The following DUOX2 variants were observed in gnomAD, a reference collection of about 807,000 sequenced individuals.
The protein encoded by DUOX2 is NADH/NADPH thyroid oxidase p138-tox.
In DUOX2, 185 loss-of-function variants were observed where a neutral mutation model predicts 183.3. The observed-to-expected ratio is 1.01, with a 90% confidence interval of 0.90 to 1.14. DUOX2 has a LOEUF of 1.14. Ranked by LOEUF, DUOX2 falls within the 50% of genes most tolerant of loss-of-function variation. DUOX2 has a pLI of 0.00. For synonymous variants in DUOX2, 788 were observed against 812.4 expected (o/e 0.97, Z 0.51); for missense variants, 1,999 against 2,022.9 (o/e 0.99, Z 0.23).
intron 11 of DUOX2, 71 bp downstream of exon 11, chr15:45,109,453 A>G: frequency 2.2e-6 from 3 of 1,377,626 alleles, no homozygotes; most frequent in Admixed American, 3.4e-5. Context: ...TAGGTCTGCT[A>G]TTGATGAACC....
At position 45,106,286 on chromosome 15, in the gene DUOX2, T is replaced by G. The variant is rs766411890; in HGVS notation, c.1987A>C (p.Ile663Leu). ...CACCTGTCTGACAGCAGCTGGATGA[T>G]GATGGGACTGCTCCTCTCCTTGGGG... ...PGPKERSSPI[I>L]IQLLSDRCLQ... Residue 663 changes from isoleucine to leucine, a missense_variant, in exon 17 of 34, where the codon ATC (isoleucine) becomes CTC (leucine). This residue lies in a region of DUOX2 where 1,628 missense variants were observed against 1,608.6 expected (regional missense o/e 1.01). Coordinates refer to ENST00000389039, the MANE Select transcript of DUOX2 (RefSeq NM_001363711.2). The G allele has an allele frequency of 6.2e-7, 1 of 1,614,030 alleles. No homozygotes were observed. Among genetic ancestry groups the G allele is most frequent in the African/African-American group, 1.3e-5 (1 of 74,924 alleles).
At chr15:45,105,269 C>T (rs1043024684) in intron 18 of DUOX2, among the ~76,000 whole-genome samples, 49 of 152,194 alleles carry the variant, frequency 3.2e-4, no homozygotes, top group African/African-American at 1.1e-3. Context: ...CCACAGAGTT[C>T]CTGGTTCAGT....
In DUOX2 at chr15:45,108,086, C is replaced by T. The variant is rs761874368; in HGVS notation, c.1535G>A (p.Arg512Gln). 9.9e-6 allele frequency: 16 copies of T among 1,613,864 alleles called. No homozygotes were observed. The highest frequency in any genetic ancestry group is 6.7e-5 in the African/African-American group (5 of 74,864). Reference protein sequence around the residue: ...AIVLDQFVRLRDGDRYWFENT... With the variant: ...AIVLDQFVRLQDGDRYWFENT... ...CTCAAACCAGTAGCGGTCACCATCC[C>T]GCAGCCGTACAAACTGGTCGAGGAC... is the stretch of plus-strand genomic sequence containing the variant. The change falls in exon 13 of 34, where the codon CGG becomes CAG. Residue 512 changes from arginine (R) to glutamine (Q), a missense_variant. Coordinates refer to ENST00000389039, the MANE Select transcript of DUOX2 (RefSeq NM_001363711.2).
intron 12 of DUOX2, chr15:45,108,475 T>C (rs971185895): frequency 5.0e-6 from 3 of 597,314 alleles, no homozygotes; most frequent in Non-Finnish European, 8.8e-6. Flanking sequence ...CTGACCTCAA[T>C]GATTAGCAGC....
At chr15:45,109,178 T>C (rs1172527582) in intron 11 of DUOX2, 2 of 628,698 alleles carry the variant, frequency 3.2e-6, no homozygotes. Flanking sequence ...GACTCAAGAC[T>C]GTTCTAGTCA....
At chr15:45,112,431 C>T in intron 4 of DUOX2, 123 bp downstream of exon 4, 1 of 1,221,802 alleles carries the variant, frequency 8.2e-7, no homozygotes, top group Non-Finnish European at 1.2e-6. Context: ...CGAAGTGCTG[C>T]GTAGAGAGGA....
intron 11 of DUOX2, 94 bp downstream of exon 11, chr15:45,109,430 A>C (rs1249651143): frequency 3.8e-6 from 4 of 1,039,576 alleles, no homozygotes; most frequent in Non-Finnish European, 6.0e-6. Flanking sequence ...GTGTTCCTGC[A>C]TCGTGAGCGC....
At position 45,109,006 on chromosome 15, in the gene DUOX2, C is replaced by G. The variant is rs1595526991; in HGVS notation, c.1235-54G>C. 1.9e-6 allele frequency: 3 copies of G among 1,606,972 alleles called. No individual in the cohort carries two copies. In the East Asian group the frequency reaches 6.7e-5, roughly 36 times the overall value. ...GCTTTGTCCTCTCCATCCTTTTTTG[C>G]CCTGCAGCCTTGTATCTGACTATTG... On this transcript the variant is annotated intron_variant, in intron 11 of 33. Transcript: ENST00000389039.
At chr15:45,098,254 C>T (rs1406574442) in intron 26 of DUOX2, among the ~76,000 whole-genome samples, 196 bp from the exon 27 acceptor site, 1 of 152,218 alleles carries the variant, frequency 6.6e-6, no homozygotes, top group East Asian at 1.9e-4. Flanking sequence ...GCAATTTTTC[C>T]TTCTGTGTTA....
Position 45,097,683 on chromosome 15 carries a change from G to A in DUOX2, c.3624C>T (p.His1208=). 1.2e-6 allele frequency: 2 copies of A among 1,614,230 alleles called. No homozygotes were observed. The highest frequency in any genetic ancestry group is 1.3e-5 in the African/African-American group (1 of 75,068). ...VLAIMYVFAS[H]HFRRRSFRGF... Reference sequence around the variant, plus strand: ...CCCGGAAGCTGCGGCGGCGGAAGTGGTGGGAGGCGAAGACATACATGATGG... The same window carrying A: ...CCCGGAAGCTGCGGCGGCGGAAGTGATGGGAGGCGAAGACATACATGATGG... The change falls in exon 28 of 34, where the codon CAC becomes CAT. Residue 1208 remains histidine (H), a synonymous_variant. Coordinates refer to ENST00000389039, the MANE Select transcript of DUOX2 (RefSeq NM_001363711.2).
chr15:45,103,893 G>T lies in DUOX2; in HGVS notation c.2654+67C>A. 3 of 1,559,846 alleles carry T rather than the reference G, an allele frequency of 1.9e-6. No homozygotes were observed. The South Asian group carries it at 3.3e-5, about 17-fold the overall frequency. ...AGAGCCTCTTTGCCAGCCCTCCTCTGACTGGACCTGTTTTCCTGTTTGAAA... is the reference window on the plus strand; with the variant it reads ...AGAGCCTCTTTGCCAGCCCTCCTCTTACTGGACCTGTTTTCCTGTTTGAAA... On this transcript the variant is annotated intron_variant, in intron 20 of 33. Transcript: ENST00000389039.
In DUOX2 at chr15:45,103,871, G is replaced by A. The variant is rs1407279207; in HGVS notation, c.2654+89C>T. The A allele has an allele frequency of 2.1e-5, 28 of 1,363,174 alleles. No homozygotes were observed. In the East Asian group the frequency reaches 6.2e-4, roughly 30 times the overall value. The allele number at this position is 1,363,174 out of a possible 1,614,324, so 84.4% of individuals were successfully genotyped here. A position where few individuals can be genotyped will look rare whatever the true frequency, so the allele number is the denominator to read the frequency against. The stretch of plus-strand genomic sequence containing the variant: ...ACCTCTCAGCACAGATGACCACAGA[G>A]CCTCTTTGCCAGCCCTCCTCTGACT... On this transcript the variant is annotated intron_variant, in intron 20 of 33. Transcript: ENST00000389039.
chr15:45,102,970 A>T (rs1026602762), intron 20 of DUOX2, among the ~76,000 whole-genome samples: 3 of 151,970 alleles, frequency 2.0e-5, no homozygotes, highest in African/African-American at 7.3e-5. Context: ...TGACAGAGTG[A>T]CTCCGTCTCA....
rs374649091 is a variant in DUOX2 at position 45,106,509 on chromosome 15, C to G, written c.1945+19G>C. ...CCCTCCTCCGTCCCTCCTCCCTCCTCTGCCCAGCCCCTGCTCACCTGGCAC... is the reference window on the plus strand; with the variant it reads ...CCCTCCTCCGTCCCTCCTCCCTCCTGTGCCCAGCCCCTGCTCACCTGGCAC... On this transcript the variant is annotated intron_variant, in intron 16 of 33. Coordinates refer to ENST00000389039, the MANE Select transcript of DUOX2 (RefSeq NM_001363711.2). 1.2e-6 allele frequency: 2 copies of G among 1,612,870 alleles called. No individual in the cohort carries two copies.
At chr15:45,112,878 C>T in intron 3 of DUOX2, 109 bp downstream of exon 3, 1 of 1,543,154 alleles carries the variant, frequency 6.5e-7, no homozygotes, top group East Asian at 2.3e-5. Flanking sequence ...GCTGTGTAGG[C>T]AGCGGAGCTG....
intron 17 of DUOX2, 123 bp downstream of exon 17, chr15:45,106,002 G>A (rs1894202741): frequency 7.2e-7 from 1 of 1,386,888 alleles, no homozygotes; most frequent in Non-Finnish European, 1.0e-6. Context: ...CCTCTGAAAG[G>A]AGCCCCTCTC....
chr15:45,094,764 CAA>C, intron 32 of DUOX2, 73 bp from the exon 33 acceptor site: 1 of 1,604,434 alleles, frequency 6.2e-7, no homozygotes, highest in South Asian at 1.1e-5. Context: ...CCACATAGCC[CAA>C]GAGACAGAGA....
rs769796932 is a variant in DUOX2, at chr15:45,108,877, C to G, written c.1310G>C (p.Gly437Ala). 30 of 1,614,084 alleles carry G rather than the reference C, an allele frequency of 1.9e-5. No homozygotes were observed. In the East Asian group the frequency reaches 6.2e-4, roughly 34 times the overall value. The change falls in exon 12 of 34, where the codon GGG (glycine) becomes GCG (alanine). Residue 437 changes from glycine (G) to alanine (A), a missense_variant. Physicochemically the swap from Gly to Ala is moderately conservative, Grantham distance 60. Coordinates refer to ENST00000389039, the MANE Select transcript of DUOX2 (RefSeq NM_001363711.2). ...CAGGGCCTGGCTATAGCTGGGCAGC[C>G]CCATATCTCGGCCACGTTGGATGCT... is the stretch of plus-strand genomic sequence containing the variant. ...ASSIQRGRDM[G>A]LPSYSQALLA...
At chr15:45,113,634 A>G (rs1894516634) in intron 1 of DUOX2, among the ~76,000 whole-genome samples, 1 of 152,102 alleles carries the variant, frequency 6.6e-6, no homozygotes, top group Admixed American at 6.5e-5. Flanking sequence ...AGGCATTGAC[A>G]CTGTTCCCCA....
Sources: allele counts gnomAD v4.1 joint callset (sites outside exome capture counted in the v4.1 genomes callset), GRCh38; gene constraint gnomAD v4.1.1; regional missense constraint gnomAD v4.1.1; transcripts MANE v1.5; gene names NCBI Gene and HGNC (gene_info 2026-07-23, HGNC 2026-07-21).